The following SLC1A2 variants were observed in gnomAD, a reference collection of about 807,000 sequenced individuals.
SLC1A2 encodes excitatory amino acid transporter 2.
In SLC1A2, 15 loss-of-function variants were observed where a neutral mutation model predicts 48.8. That is an observed-to-expected ratio of 0.31 (90% CI 0.21 to 0.47). The LOEUF (loss-of-function observed/expected upper bound fraction) is 0.47. SLC1A2 is among the 20% of genes least tolerant of loss of function. The pLI, the probability that SLC1A2 is intolerant of heterozygous loss-of-function variation, is 0.99. For synonymous variants in SLC1A2, 279 were observed against 272.6 expected (o/e 1.02, Z -0.23); for missense variants, 502 against 730.5 (o/e 0.69, Z 3.61).
chr11:35,387,711 TA>T (rs1590259913), intron 1 of SLC1A2, among the ~76,000 whole-genome samples: 1 of 152,148 alleles, frequency 6.6e-6, no homozygotes, highest in East Asian at 1.9e-4. Context: ...AACAATATCT[TA>T]AAAATGCAGT....
intron 9 of SLC1A2, among the ~76,000 whole-genome samples, chr11:35,267,945 C>G (rs1240455948): frequency 6.6e-6 from 1 of 152,168 alleles, no homozygotes; most frequent in Non-Finnish European, 1.5e-5. Flanking sequence ...GTCTATTGCC[C>G]TACCAGCTTC....
intron 3 of SLC1A2, among the ~76,000 whole-genome samples, chr11:35,313,934 C>T (rs1047223881): frequency 6.6e-6 from 1 of 152,142 alleles, no homozygotes; most frequent in Non-Finnish European, 1.5e-5. Flanking sequence ...GGTGGCCAGT[C>T]CAGGGGAACA....
intron 1 of SLC1A2, among the ~76,000 whole-genome samples, chr11:35,318,066 T>A (rs371030285): frequency 1.4e-4 from 21 of 152,290 alleles, no homozygotes; most frequent in African/African-American, 4.6e-4. Flanking sequence ...AGTAAAAAAA[T>A]AATAATAATA....
At chr11:35,417,713 C>T (rs1458249401) in intron 1 of SLC1A2, among the ~76,000 whole-genome samples, 1 of 152,172 alleles carries the variant, frequency 6.6e-6, no homozygotes, top group Non-Finnish European at 1.5e-5. Flanking sequence ...GACAAGATGC[C>T]AGATGCCTTT....
intron 9 of SLC1A2, 74 bp downstream of exon 9, chr11:35,280,793 G>T (rs1158964209): frequency 9.7e-7 from 1 of 1,032,888 alleles, no homozygotes; most frequent in Non-Finnish European, 1.4e-6. Context: ...GATCTTGGTT[G>T]CAACCTTGCC....
intron 7 of SLC1A2, among the ~76,000 whole-genome samples, 163 bp from the exon 8 acceptor site, chr11:35,287,114 T>C (rs1360239025): frequency 2.0e-5 from 3 of 152,308 alleles, no homozygotes; most frequent in Admixed American, 2.0e-4. Flanking sequence ...TAAAAACTCG[T>C]GAGTTGGAGG....
chr11:35,404,709 C>T (rs1855234460), intron 1 of SLC1A2, among the ~76,000 whole-genome samples: 1 of 152,210 alleles, frequency 6.6e-6, no homozygotes, highest in Non-Finnish European at 1.5e-5. Flanking sequence ...GTCTGTCTGA[C>T]CACTGGACAA....
intron 1 of SLC1A2, among the ~76,000 whole-genome samples, chr11:35,387,413 C>G (rs540918888): frequency 1.3e-5 from 2 of 152,254 alleles, no homozygotes; most frequent in East Asian, 3.9e-4. Flanking sequence ...GATGAGGAGG[C>G]AAGAACATCC....
At chr11:35,418,828 A>T in intron 1 of SLC1A2, 122 bp downstream of exon 1, 1 of 811,768 alleles carries the variant, frequency 1.2e-6, no homozygotes, top group Non-Finnish European at 2.1e-6. Flanking sequence ...CAGCCAAGCT[A>T]CGGCTCCGCC....
chr11:35,314,201 G>A lies in SLC1A2; in HGVS notation c.310+822C>T, dbSNP rs113331035. 7.9e-5 allele frequency among the ~76,000 whole-genome samples: 12 copies of A among 152,290 alleles called. No individual in the cohort carries two copies. In the South Asian group the frequency reaches 1.2e-3, roughly 16 times the overall value. On this transcript the variant is annotated intron_variant, in intron 3 of 10. Coordinates refer to ENST00000278379, the MANE Select transcript of SLC1A2 (RefSeq NM_004171.4). ...ACACCTGTTAACAAATCATACATTG[G>A]CCAACTTGGTGGTAGTGAAAAATAA...
intron 7 of SLC1A2, among the ~76,000 whole-genome samples, chr11:35,287,444 T>C (rs190241452): frequency 1.6e-4 from 24 of 152,364 alleles, no homozygotes; most frequent in Admixed American, 1.5e-3. Context: ...GAAATTGTCC[T>C]GAGCTGGACT....
chr11:35,403,013 C>T (rs1386114472), intron 1 of SLC1A2, among the ~76,000 whole-genome samples: 1 of 152,204 alleles, frequency 6.6e-6, no homozygotes, highest in Non-Finnish European at 1.5e-5. Context: ...GCCTAATTTG[C>T]AAAGTCAAGA....
intron 3 of SLC1A2, among the ~76,000 whole-genome samples, chr11:35,313,503 G>A (rs188563890): frequency 2.6e-5 from 4 of 152,294 alleles, no homozygotes; most frequent in Admixed American, 2.0e-4. Flanking sequence ...TTCAGTTCCT[G>A]CTTTTACCAG....
At chr11:35,415,652 A>G (rs1855582325) in intron 1 of SLC1A2, among the ~76,000 whole-genome samples, 1 of 152,224 alleles carries the variant, frequency 6.6e-6, no homozygotes, top group Admixed American at 6.5e-5. Context: ...TTGAAATAAT[A>G]AATTCAAGGG....
At chr11:35,379,570 C>G (rs2135197765) in intron 1 of SLC1A2, among the ~76,000 whole-genome samples, 1 of 152,296 alleles carries the variant, frequency 6.6e-6, no homozygotes, top group African/African-American at 2.4e-5. Context: ...ATGCCAAGGA[C>G]TCTCCATGAG....
intron 1 of SLC1A2, among the ~76,000 whole-genome samples, chr11:35,395,431 C>T (rs943933674): frequency 1.3e-5 from 2 of 152,050 alleles, no homozygotes; most frequent in African/African-American, 4.8e-5. Flanking sequence ...CCACTAAAGA[C>T]TGTCCAAGGG....
chr11:35,334,696 G>A (rs1291856475), intron 1 of SLC1A2, among the ~76,000 whole-genome samples: 14 of 152,320 alleles, frequency 9.2e-5, no homozygotes, highest in Non-Finnish European at 1.2e-4. Context: ...TGACTAGAGA[G>A]CAATGCTCAA....
chr11:35,418,423 TC>T (rs1855675118), intron 1 of SLC1A2: 1 of 152,788 alleles, frequency 6.5e-6, no homozygotes, highest in South Asian at 2.1e-4. Flanking sequence ...GATTCCGCCT[TC>T]CAGGGACAAG....
In SLC1A2 at chr11:35,286,800, T is replaced by C. The variant is rs1420487804; in HGVS notation, c.1243A>G (p.Met415Val). 6.2e-7 allele frequency: 1 copy of C among 1,613,662 alleles called. No individual in the cohort carries two copies. Among genetic ancestry groups the C allele is most frequent in the Non-Finnish European group, 8.5e-7 (1 of 1,179,788 alleles). Residue 415 changes from methionine (M) to valine (V), a missense_variant, in exon 8 of 11, where the codon ATG becomes GTG. Met to Val is a conservative substitution (Grantham distance 21, BLOSUM62 1). Coordinates refer to ENST00000278379, the MANE Select transcript of SLC1A2 (RefSeq NM_004171.4). ...CCTCCATCCAGGACAACACCATTCA[T>C]TTGGGCTATAAAGATGGCGGCTACC... ...EAVAAIFIAQ[M>V]NGVVLDGGQI...
Sources: gnomAD v4.1 joint callset for allele counts (sites outside exome capture counted in the v4.1 genomes callset) on GRCh38, gnomAD v4.1.1 for gene constraint, MANE v1.5 for transcripts, NCBI Gene and HGNC (gene_info 2026-07-23, HGNC 2026-07-21) for gene names.